IFI44L: variants seen among roughly 807,000 people sequenced by gnomAD.
IFI44L encodes interferon-induced protein 44-like.
A neutral mutation model predicts 39.3 loss-of-function variants in IFI44L; 40 were observed. The ratio of observed to expected loss-of-function variants is 1.02; its 90% CI spans 0.79 to 1.33. The LOEUF is 1.33. Ranked by LOEUF, IFI44L falls within the 40% of genes most tolerant of loss-of-function variation. The pLI, the probability that IFI44L is intolerant of heterozygous loss-of-function variation, is 0.00. For synonymous variants in IFI44L, 198 were observed against 182.3 expected (o/e 1.09, Z -0.69); for missense variants, 623 against 549.0 (o/e 1.13, Z -1.35).
intron 1 of IFI44L, among the ~76,000 whole-genome samples, chr1:78,622,089 C>A (rs1652298700): frequency 6.6e-6 from 1 of 152,080 alleles, no homozygotes; most frequent in African/African-American, 2.4e-5. Context: ...CTCCTAGACA[C>A]CCACCCACCC....
chr1:78,641,333 A>T, intron 7 of IFI44L, 102 bp from the exon 8 acceptor site: 1 of 1,062,194 alleles, frequency 9.4e-7, no homozygotes, highest in Non-Finnish European at 1.4e-6. Context: ...ATAACTTATT[A>T]AGCCATTGCT....
At position 78,641,544 on chromosome 1, in the gene IFI44L, C is replaced by T. The variant is rs145618757; in HGVS notation, c.1259C>T (p.Ser420Phe). The change falls in exon 8 of 9, where the codon TCT (serine) becomes TTT (phenylalanine). Residue 420 changes from serine to phenylalanine, a missense_variant. Transcript: ENST00000370751. ...LDPMKDILIL[S>F]ALRQMLRAAD... ...CCCATGAAGGATATTCTCATCCTCT[C>T]TGCACTGAGGCAGATGCTGCGGGCT... 3 of 1,613,654 alleles carry T rather than the reference C, an allele frequency of 1.9e-6. No homozygotes were observed. The highest frequency in any genetic ancestry group is 1.3e-5 in the African/African-American group (1 of 74,884).
In IFI44L at chr1:78,642,106, C is replaced by G; in HGVS notation, c.*297C>G. On this transcript the variant is annotated 3_prime_UTR_variant, in exon 9 of 9. Coordinates refer to ENST00000370751, the MANE Select transcript of IFI44L (RefSeq NM_006820.4). ...CTCTAATTTATTCTTCTATAACACT[C>G]TATATAGAGCTATGTGAGTACTAAT... The G allele has an allele frequency of 4.3e-6, 2 of 467,616 alleles. No homozygotes were observed. The highest frequency in any genetic ancestry group is 7.7e-6 in the Non-Finnish European group (2 of 259,514). 29.0% of individuals were successfully genotyped at this position (467,616 alleles called of 1,614,324 possible).
Position 78,645,297 on chromosome 1 carries a change from T to C in IFI44L, c.*3488T>C, listed in dbSNP as rs531209696. On this transcript the variant is annotated 3_prime_UTR_variant, in exon 9 of 9. Coordinates refer to ENST00000370751, the MANE Select transcript of IFI44L (RefSeq NM_006820.4). ...TATTGTTCAGGACAACTTGTCTCCA[T>C]ACAGTTGGGTTGTAACCCTCATGCT... 1 of 152,316 alleles carries C rather than the reference T, an allele frequency of 6.6e-6. No individual in the cohort carries two copies. The highest frequency in any genetic ancestry group is 2.4e-5 in the African/African-American group (1 of 41,546). The allele number at this position is 152,316 out of a possible 1,614,324, so 9.4% of individuals were successfully genotyped here. A position where few individuals can be genotyped will look rare whatever the true frequency, so the allele number is the denominator to read the frequency against.
chr1:78,634,332 A>G (rs1307063651), intron 4 of IFI44L, among the ~76,000 whole-genome samples: 1 of 152,182 alleles, frequency 6.6e-6, no homozygotes, highest in African/African-American at 2.4e-5. Context: ...GAAGATAAAA[A>G]AGCAAATAAC....
rs1176496317 is a variant in IFI44L at position 78,645,663 on chromosome 1, T to G, written c.*3854T>G. 1 of 152,176 alleles carries G rather than the reference T, an allele frequency of 6.6e-6. No individual in the cohort carries two copies. The highest frequency in any genetic ancestry group is 6.5e-5 in the Admixed American group (1 of 15,270). The allele number at this position is 152,176 out of a possible 1,614,324, so 9.4% of individuals were successfully genotyped here. A position where few individuals can be genotyped will look rare whatever the true frequency, so the allele number is the denominator to read the frequency against. On this transcript the variant is annotated 3_prime_UTR_variant, in exon 9 of 9. Coordinates refer to ENST00000370751, the MANE Select transcript of IFI44L (RefSeq NM_006820.4). ...CATGGAATCCTGCAACCAAAAGCCA[T>G]GGGAATTTGGAAGCCCTCAAATCCC... is the stretch of plus-strand genomic sequence containing the variant.
In IFI44L at chr1:78,641,136, T is replaced by C; in HGVS notation, c.1149+15T>C. ...CTCAAAGCCGGGTAAAAAATGCTGA[T>C]CATAACCAGATATTATTGTAATAGT... On this transcript the variant is annotated intron_variant, in intron 7 of 8. Coordinates refer to ENST00000370751, the MANE Select transcript of IFI44L (RefSeq NM_006820.4). 6.6e-7 allele frequency: 1 copy of C among 1,516,554 alleles called. No individual in the cohort carries two copies. The highest frequency in any genetic ancestry group is 9.2e-7 in the Non-Finnish European group (1 of 1,091,652). The allele number at this position is 1,516,554 out of a possible 1,614,324, so 93.9% of individuals were successfully genotyped here. A position where few individuals can be genotyped will look rare whatever the true frequency, so the allele number is the denominator to read the frequency against.
At chr1:78,635,811 TACATAG>T (rs1177342214) in intron 5 of IFI44L, 1 of 265,512 alleles carries the variant, frequency 3.8e-6, no homozygotes, top group African/African-American at 2.3e-5. Context: ...CTTTTTGGGT[TACATAG>T]ACAAAATATT....
intron 1 of IFI44L, among the ~76,000 whole-genome samples, chr1:78,623,744 G>C (rs1652375574): frequency 6.6e-6 from 1 of 152,100 alleles, no homozygotes; most frequent in African/African-American, 2.4e-5. Context: ...TGTGGGAACT[G>C]AGAGAGCTGG....
Position 78,637,053 on chromosome 1 carries a change from A to C in IFI44L, c.898A>C (p.Thr300Pro). Residue 300 changes from threonine to proline, a missense_variant, in exon 6 of 9, where the codon ACA (threonine) becomes CCA (proline). Thr to Pro is a conservative substitution (Grantham distance 38). Transcript: ENST00000370751. ...ACAGTTTAATTCCCGTAAACCAATT[A>C]CACCTGAGCATTCTACTTTTATCAC... Reference protein sequence around the residue: ...RYQFNSRKPITPEHSTFITSP... With the variant: ...RYQFNSRKPIPPEHSTFITSP... The C allele has an allele frequency of 6.2e-7, 1 of 1,611,660 alleles. No homozygotes were observed. The highest frequency in any genetic ancestry group is 8.5e-7 in the Non-Finnish European group (1 of 1,178,178).
intron 3 of IFI44L, 64 bp from the exon 4 acceptor site, chr1:78,629,656 A>G (rs1652664501): frequency 1.7e-6 from 2 of 1,196,516 alleles, no homozygotes; most frequent in Non-Finnish European, 2.3e-6. Context: ...GTGACTTGAG[A>G]TGTTCTTTAT....
intron 5 of IFI44L, chr1:78,635,768 T>G (rs192383139): frequency 1.2e-4 from 48 of 391,214 alleles, no homozygotes; most frequent in Non-Finnish European, 1.8e-4. Context: ...TTTACAATAA[T>G]GTAAACTAAT....
chr1:78,626,849 C>T (rs1652508468), intron 1 of IFI44L: 1 of 151,892 alleles, frequency 6.6e-6, no homozygotes, highest in Non-Finnish European at 1.5e-5. Flanking sequence ...TCCATCCTCT[C>T]CTTTCTGAGT....
intron 1 of IFI44L, among the ~76,000 whole-genome samples, chr1:78,623,637 A>G (rs920099031): frequency 1.3e-5 from 2 of 152,154 alleles, no homozygotes; most frequent in African/African-American, 2.4e-5. Context: ...ATGTAAAGCC[A>G]GGAAAGCTGG....
intron 5 of IFI44L, chr1:78,636,075 C>G (rs1304728914): frequency 6.6e-6 from 1 of 151,826 alleles, no homozygotes; most frequent in African/African-American, 2.4e-5. Flanking sequence ...TCAAAAAAGC[C>G]AACAATGATT....
At chr1:78,640,168 A>G (rs1198979622) in intron 6 of IFI44L, among the ~76,000 whole-genome samples, 2 of 152,132 alleles carry the variant, frequency 1.3e-5, no homozygotes, top group Non-Finnish European at 2.9e-5. Flanking sequence ...ATGGCAACAC[A>G]TTGTCCTTGG....
intron 1 of IFI44L, among the ~76,000 whole-genome samples, chr1:78,623,505 C>T (rs1386015287): frequency 7.1e-6 from 1 of 140,196 alleles, no homozygotes; most frequent in African/African-American, 2.7e-5. Flanking sequence ...AGTCAGCGTT[C>T]TTCAGAGAAA....
rs1646992340 is a variant in IFI44L, at chr1:78,641,954, G to A, written c.*145G>A. 3.4e-6 allele frequency: 3 copies of A among 888,090 alleles called. No individual in the cohort carries two copies. In the East Asian group the frequency reaches 7.3e-5, roughly 21 times the overall value. 55.0% of individuals were successfully genotyped at this position (888,090 alleles called of 1,614,324 possible). On this transcript the variant is annotated 3_prime_UTR_variant, in exon 9 of 9. Transcript: ENST00000370751. ...GGAACAGTCATATCTCAAGTTCAAA[G>A]GCCAAAACCTGAGAAGCGGTGGGCT... is the stretch of plus-strand genomic sequence containing the variant.
chr1:78,633,844 G>A (rs1315259956), intron 4 of IFI44L, among the ~76,000 whole-genome samples: 1 of 152,038 alleles, frequency 6.6e-6, no homozygotes, highest in Non-Finnish European at 1.5e-5. Context: ...TGAGAAAAAT[G>A]ATGAGTGATC....
Sources: gnomAD v4.1 joint callset for allele counts (sites outside exome capture counted in the v4.1 genomes callset) on GRCh38, gnomAD v4.1.1 for gene constraint, MANE v1.5 for transcripts, NCBI Gene and HGNC (gene_info 2026-07-23, HGNC 2026-07-21) for gene names.